CDH6: variants seen among roughly 807,000 people sequenced by gnomAD.
The protein encoded by CDH6 is cadherin 6.
Under a neutral mutation model 78.0 loss-of-function variants are expected in CDH6, and 31 were observed. That is an observed-to-expected ratio of 0.40 (90% CI 0.30 to 0.54). The LOEUF is 0.54. Among genes scored for constraint, CDH6 ranks in the 20% least tolerant of loss-of-function variants. The probability of loss-of-function intolerance (pLI) is 0.56; values close to 1 mark genes in which losing one functional copy is unlikely to be tolerated. For synonymous variants in CDH6, 376 were observed against 368.8 expected, an observed-to-expected ratio of 1.02 and a Z score of -0.23; for missense variants, 724 against 975.9, an observed-to-expected ratio of 0.74 and a Z score of 3.44.
chr5:31,267,763 A>C, intron 2 of CDH6, 62 bp downstream of exon 2: 1 of 1,198,982 alleles, frequency 8.3e-7, no homozygotes, highest in Non-Finnish European at 1.2e-6. Flanking sequence ...TACTTCTAAT[A>C]AATAGATGGG....
intron 1 of CDH6, among the ~76,000 whole-genome samples, chr5:31,230,519 A>G (rs1741285052): frequency 6.6e-6 from 1 of 152,210 alleles, no homozygotes; most frequent in Non-Finnish European, 1.5e-5. Context: ...CTACAGATGT[A>G]TCTTCCTGTT....
chr5:31,260,209 C>T (rs1432505550), intron 1 of CDH6, among the ~76,000 whole-genome samples: 1 of 152,132 alleles, frequency 6.6e-6, no homozygotes, highest in Non-Finnish European at 1.5e-5. Context: ...TTTTTATGCT[C>T]ACAGCTATCC....
At chr5:31,236,843 G>A (rs911664403) in intron 1 of CDH6, among the ~76,000 whole-genome samples, 1 of 152,088 alleles carries the variant, frequency 6.6e-6, no homozygotes. Flanking sequence ...CCCAAGCACT[G>A]TTCTCTCCTC....
At chr5:31,232,110 G>T (rs531443323) in intron 1 of CDH6, among the ~76,000 whole-genome samples, 1 of 152,192 alleles carries the variant, frequency 6.6e-6, no homozygotes, top group East Asian at 1.9e-4. Flanking sequence ...ACACTACTTT[G>T]TTTCTCACTC....
At chr5:31,301,386 A>G (rs966165856) in intron 5 of CDH6, among the ~76,000 whole-genome samples, 1 of 152,204 alleles carries the variant, frequency 6.6e-6, no homozygotes, top group African/African-American at 2.4e-5. Flanking sequence ...TGGCCAATCT[A>G]AACTGAAACT....
At position 31,317,834 on chromosome 5, in the gene CDH6, C is replaced by G. The variant is rs1003725966; in HGVS notation, c.1792C>G (p.Gln598Glu). ...VCACDHHGNM[Q>E]SCHAEALIHP... ...TGCATGTGACCACCACGGGAACATG[C>G]AATCCTGCCATGCGGAGGCGCTCAT... The change falls in exon 11 of 12, where the codon CAA becomes GAA. Residue 598 changes from glutamine to glutamate, a missense_variant. Gln to Glu is a conservative substitution (Grantham distance 29). Transcript: ENST00000265071. 1.9e-6 allele frequency: 3 copies of G among 1,613,988 alleles called. No individual in the cohort carries two copies. The highest frequency in any genetic ancestry group is 1.3e-5 in the African/African-American group (1 of 74,944).
In CDH6 at chr5:31,323,923, G is replaced by A. The variant is rs932088305; in HGVS notation, c.*615G>A. The A allele has an allele frequency of 8.8e-6, 2 of 228,540 alleles. No individual in the cohort carries two copies. The highest frequency in any genetic ancestry group is 1.7e-5 in the Non-Finnish European group (2 of 115,300). The allele number at this position is 228,540 out of a possible 1,614,324, so 14.2% of individuals were successfully genotyped here. ...CTTAAGGAATAGAAGCAAATTAAAC[G>A]GTAACATCCAAAAGCAACCACAAAC... On this transcript the variant is annotated 3_prime_UTR_variant, in exon 12 of 12. Transcript: ENST00000265071.
rs183107874 is a variant in CDH6, at chr5:31,327,582, T to C, written c.*4274T>C. The C allele has an allele frequency of 1.1e-3, 210 of 195,636 alleles. No individual in the cohort carries two copies. Among genetic ancestry groups the C allele is most frequent in the African/African-American group, 4.7e-3 (203 of 43,412 alleles). The allele number at this position is 195,636 out of a possible 1,614,324, so 12.1% of individuals were successfully genotyped here. ...AACCTTCCTTATCAGATTATAAGAG[T>C]AGAAAAATTAACACTTGGTGTGTGA... On this transcript the variant is annotated 3_prime_UTR_variant, in exon 12 of 12. Transcript: ENST00000265071.
intron 1 of CDH6, among the ~76,000 whole-genome samples, chr5:31,257,258 G>A (rs1004603193): frequency 2.3e-4 from 35 of 152,270 alleles, no homozygotes; most frequent in Admixed American, 2.3e-3. Context: ...CGCCTCCCGG[G>A]TTCACGCCAT....
chr5:31,317,095 C>T (rs1056480372), intron 9 of CDH6, among the ~76,000 whole-genome samples: 1 of 152,110 alleles, frequency 6.6e-6, no homozygotes, highest in Non-Finnish European at 1.5e-5. Context: ...TTGATTGTCA[C>T]ACTAGAAGGT....
chr5:31,269,949 G>A (rs1046930377), intron 2 of CDH6, among the ~76,000 whole-genome samples: 45 of 152,282 alleles, frequency 3.0e-4, no homozygotes, highest in African/African-American at 8.9e-4. Flanking sequence ...TCAGACACGC[G>A]TTAGAGGTGG....
At chr5:31,255,731 G>A (rs1048652403) in intron 1 of CDH6, among the ~76,000 whole-genome samples, 2 of 152,132 alleles carry the variant, frequency 1.3e-5, no homozygotes, top group Admixed American at 6.5e-5. Context: ...TGGTGTTGCA[G>A]TATCCCTTTA....
chr5:31,197,067 C>G (rs553433952), intron 1 of CDH6, among the ~76,000 whole-genome samples: 1 of 152,234 alleles, frequency 6.6e-6, no homozygotes, highest in East Asian at 1.9e-4. Flanking sequence ...CTAAGGCCAT[C>G]TAATTCAAAG....
intron 11 of CDH6, among the ~76,000 whole-genome samples, chr5:31,321,550 G>C (rs1299855447): frequency 6.6e-6 from 1 of 152,132 alleles, no homozygotes; most frequent in Non-Finnish European, 1.5e-5. Context: ...GATTCAGTAT[G>C]TTAAGCACTT....
At chr5:31,245,135 AG>A (rs796345356) in intron 1 of CDH6, among the ~76,000 whole-genome samples, 18 of 152,328 alleles carry the variant, frequency 1.2e-4, no homozygotes, top group African/African-American at 4.3e-4. Context: ...GGAGGAGGGA[AG>A]ATTCACACCA....
At chr5:31,276,646 G>A (rs1411930401) in intron 2 of CDH6, among the ~76,000 whole-genome samples, 1 of 152,154 alleles carries the variant, frequency 6.6e-6, no homozygotes, top group Non-Finnish European at 1.5e-5. Context: ...TAGATTTGGA[G>A]AGAAAATGCT....
chr5:31,202,416 A>G (rs1042663038), intron 1 of CDH6, among the ~76,000 whole-genome samples: 1 of 152,048 alleles, frequency 6.6e-6, no homozygotes, highest in Non-Finnish European at 1.5e-5. Flanking sequence ...AGGCGGATCA[A>G]CTGAGGTTAG....
At chr5:31,237,983 T>C (rs12108695) in intron 1 of CDH6, among the ~76,000 whole-genome samples, 15,236 of 152,206 alleles carry the variant, frequency 0.1, 1,066 homozygotes, top group East Asian at 0.28. Context: ...CCCTAATGCC[T>C]AGTACCTAAA....
At chr5:31,260,666 C>A (rs1471740115) in intron 1 of CDH6, among the ~76,000 whole-genome samples, 2 of 152,146 alleles carry the variant, frequency 1.3e-5, no homozygotes, top group Non-Finnish European at 2.9e-5. Flanking sequence ...GCCTATTATC[C>A]ACAAATATAA....
Sources: gnomAD v4.1 joint callset for allele counts (sites outside exome capture counted in the v4.1 genomes callset) on GRCh38, gnomAD v4.1.1 for gene constraint, MANE v1.5 for transcripts, NCBI Gene and HGNC (gene_info 2026-07-23, HGNC 2026-07-21) for gene names.